The following CMYA5 variants were observed in gnomAD, a reference collection of about 807,000 sequenced individuals.
CMYA5 encodes the protein cardiomyopathy-associated protein 5.
CMYA5 carries 246 observed loss-of-function variants against 318.9 expected under a neutral mutation model. The observed-to-expected ratio is 0.77, with a 90% CI of 0.70 to 0.86. The LOEUF is 0.86. Ranked by LOEUF, CMYA5 falls within the 40% of genes least tolerant of loss-of-function variation. CMYA5 has a pLI of 0.00. For missense variants in CMYA5, 4,589 were observed against 4,678.2 expected (o/e 0.98, Z 0.56); for synonymous variants, 1,641 against 1,729.5 (o/e 0.95, Z 1.27).
At chr5:79,795,449 G>T (rs550587034) in intron 12 of CMYA5, among the ~76,000 whole-genome samples, 1 of 152,236 alleles carries the variant, frequency 6.6e-6, no homozygotes, top group African/African-American at 2.4e-5. Flanking sequence ...GAGTCTGCTG[G>T]TTTCCTTCCT....
chr5:79,724,721 T>C, intron 1 of CMYA5, among the ~76,000 whole-genome samples: 1 of 152,242 alleles, frequency 6.6e-6, no homozygotes, highest in South Asian at 2.1e-4. Context: ...CTGAATGGTA[T>C]GGTGACCATT....
At chr5:79,778,668 A>G (rs928376299) in intron 9 of CMYA5, among the ~76,000 whole-genome samples, 4 of 151,580 alleles carry the variant, frequency 2.6e-5, no homozygotes, top group Non-Finnish European at 5.9e-5. Flanking sequence ...ATTAAGAGAT[A>G]AGTTTCAAAT....
At chr5:79,796,590 A>ATCTGTTT (rs1829280803) in intron 12 of CMYA5, among the ~76,000 whole-genome samples, 2 of 152,192 alleles carry the variant, frequency 1.3e-5, no homozygotes, top group African/African-American at 2.4e-5. Context: ...TAGTAGAAAC[A>ATCTGTTT]GATTTTCACC....
At chr5:79,770,313 G>T (rs376324326) in intron 9 of CMYA5, among the ~76,000 whole-genome samples, 2 of 152,130 alleles carry the variant, frequency 1.3e-5, no homozygotes, top group African/African-American at 4.8e-5. Flanking sequence ...GGAGTGAATG[G>T]TTCTGTCTTG....
chr5:79,726,837 A>C (rs1006671279), intron 1 of CMYA5, among the ~76,000 whole-genome samples: 4 of 151,166 alleles, frequency 2.6e-5, no homozygotes, highest in Admixed American at 1.3e-4. Context: ...CTAACAAACC[A>C]GGAAGGGTTT....
chr5:79,715,593 A>G (rs569484546), intron 1 of CMYA5, among the ~76,000 whole-genome samples: 1 of 152,004 alleles, frequency 6.6e-6, no homozygotes, highest in East Asian at 1.9e-4. Flanking sequence ...AGCCAACTAT[A>G]GCTTATTATT....
At position 79,734,101 on chromosome 5, in the gene CMYA5, A is replaced by T. The variant is rs762210248; in HGVS notation, c.5336A>T (p.Lys1779Met). ...IGPLPPTGNL[K>M]AQVMGDILDK... ...CCATTACCACCAACTGGAAATTTGAAGGCACAAGTCATGGGAGATATTTTA... is the reference window on the plus strand; with the variant it reads ...CCATTACCACCAACTGGAAATTTGATGGCACAAGTCATGGGAGATATTTTA... Residue 1779 changes from lysine to methionine, a missense_variant, in exon 2 of 13, where the codon AAG becomes ATG. Physicochemically the swap from Lys to Met is moderately conservative, Grantham distance 95. Transcript: ENST00000446378. The T allele has an allele frequency of 6.2e-7, 1 of 1,613,824 alleles. No homozygotes were observed. Among genetic ancestry groups the T allele is most frequent in the East Asian group, 2.2e-5 (1 of 44,868 alleles).
chr5:79,766,943 T>A lies in CMYA5; in HGVS notation c.11555+3734T>A, dbSNP rs144629476. Reference sequence around the variant, plus strand: ...GCAAATCTTTCTGGTCCTGGGCTTTTTTTGGTTGGTAGGATATTAATTACT... The same window carrying A: ...GCAAATCTTTCTGGTCCTGGGCTTTATTTGGTTGGTAGGATATTAATTACT... On this transcript the variant is annotated intron_variant, in intron 9 of 12. Transcript: ENST00000446378. Among the ~76,000 whole-genome samples, 905 of 152,308 alleles carry A rather than the reference T, an allele frequency of 5.9e-3. 10 individuals carry two copies. Among genetic ancestry groups the A allele is most frequent in the African/African-American group, 0.021 (860 of 41,554 alleles).
intron 1 of CMYA5, among the ~76,000 whole-genome samples, chr5:79,721,244 G>A (rs1015296084): frequency 1.2e-4 from 18 of 152,166 alleles, no homozygotes; most frequent in African/African-American, 4.1e-4. Flanking sequence ...CTCACTTTGT[G>A]AAGCTAAGGT....
chr5:79,752,728 T>G lies in CMYA5; in HGVS notation c.11044T>G (p.Phe3682Val), dbSNP rs375109166. ...TASLEKMPAAFSLFEHYDDSS... is the reference protein window; with the variant it reads ...TASLEKMPAAVSLFEHYDDSS... ...TTCTTTAGAGAAAATGCCTGCTGCG[T>G]TTTCCCTTTTCGAACATTATGATGA... The change falls in exon 6 of 13, where the codon TTT becomes GTT. Residue 3682 changes from phenylalanine (F) to valine (V), a missense_variant. Physicochemically the swap from Phe to Val is conservative, Grantham distance 50 (BLOSUM62 -1). This residue lies in a region of CMYA5 where 2,431 missense variants were observed against 2,495.1 expected (regional missense o/e 0.97). Transcript: ENST00000446378. The G allele has an allele frequency of 7.4e-6, 12 of 1,613,588 alleles. No individual in the cohort carries two copies. The African/African-American group carries it at 1.6e-4, about 22-fold the overall frequency.
intron 12 of CMYA5, among the ~76,000 whole-genome samples, chr5:79,797,551 G>T (rs1228829753): frequency 1.3e-5 from 2 of 152,166 alleles, no homozygotes; most frequent in African/African-American, 4.8e-5. Context: ...TCCTGGTCTT[G>T]TCTGTCACCT....
intron 1 of CMYA5, among the ~76,000 whole-genome samples, chr5:79,706,500 C>T (rs376661202): frequency 6.6e-6 from 1 of 152,256 alleles, no homozygotes; most frequent in Middle Eastern, 3.4e-3. Flanking sequence ...ATTCTCAGAA[C>T]GGAGTACGCC....
chr5:79,696,840 C>T (rs1336070930), intron 1 of CMYA5, among the ~76,000 whole-genome samples: 1 of 152,068 alleles, frequency 6.6e-6, no homozygotes, highest in Non-Finnish European at 1.5e-5. Context: ...ACCCCCGTCT[C>T]TACTAAAAAT....
rs1268402822 is a variant in CMYA5, at chr5:79,730,598, A to G, written c.1833A>G (p.Gln611=). 6.2e-7 allele frequency: 1 copy of G among 1,613,934 alleles called. No individual in the cohort carries two copies. Among genetic ancestry groups the G allele is most frequent in the Non-Finnish European group, 8.5e-7 (1 of 1,179,896 alleles). ...PQDLNHELQE[Q]EGEPVPPSNV... ...ATTTGAACCATGAATTACAGGAGCAAGAAGGTGAGCCAGTTCCCCCATCCA... is the reference window on the plus strand; with the variant it reads ...ATTTGAACCATGAATTACAGGAGCAGGAAGGTGAGCCAGTTCCCCCATCCA... Residue 611 remains glutamine, a synonymous_variant, in exon 2 of 13, where the codon CAA becomes CAG. Transcript: ENST00000446378.
intron 2 of CMYA5, among the ~76,000 whole-genome samples, chr5:79,741,545 T>C (rs938708784): frequency 6.6e-6 from 1 of 152,136 alleles, no homozygotes; most frequent in Non-Finnish European, 1.5e-5. Flanking sequence ...TTCTCCAGGG[T>C]ATAGTTTTGT....
intron 1 of CMYA5, among the ~76,000 whole-genome samples, chr5:79,700,677 G>A (rs1313473777): frequency 1.3e-5 from 2 of 152,160 alleles, no homozygotes; most frequent in Non-Finnish European, 2.9e-5. Context: ...TAATGGATGA[G>A]TGGATAAGGA....
In CMYA5 at chr5:79,738,583, A is replaced by C; in HGVS notation, c.9818A>C (p.Tyr3273Ser). Residue 3273 changes from tyrosine (Y) to serine (S), a missense_variant, in exon 2 of 13, where the codon TAC becomes TCC. By Grantham distance (144) the Tyr-to-Ser change is moderately radical. Around this residue, in one of 3 missense-constraint regions of CMYA5, gnomAD observed 2,431 missense variants for 2,495.1 expected, o/e 0.97. Transcript: ENST00000446378. ...AAACGAGTTGGTAAGGATGATTCAT[A>C]CCAACCGATAGCTGCAGAAGGGGAA... The part of the protein sequence containing the change: ...EEKRVGKDDS[Y>S]QPIAAEGEIW... The C allele has an allele frequency of 6.2e-7, 1 of 1,613,728 alleles. No individual in the cohort carries two copies. Among genetic ancestry groups the C allele is most frequent in the Non-Finnish European group, 8.5e-7 (1 of 1,179,874 alleles).
At chr5:79,789,222 T>A in intron 10 of CMYA5, 118 bp downstream of exon 10, 1 of 1,209,058 alleles carries the variant, frequency 8.3e-7, no homozygotes, top group Non-Finnish European at 1.1e-6. Flanking sequence ...CAGTGGTAGG[T>A]TTTTGTCATG....
Position 79,734,552 on chromosome 5 carries a change from C to T in CMYA5, c.5787C>T (p.Leu1929=). ...GCAATGAGCTGAGGCCAGGGCAGCT[C>T]AAGGCTGCTGTGTCCAGTAAGGACC... ...SSSNELRPGQ[L]KAAVSSKDHT... Residue 1929 remains leucine (L), a synonymous_variant, in exon 2 of 13, where the codon CTC becomes CTT. Coordinates refer to ENST00000446378, the MANE Select transcript of CMYA5 (RefSeq NM_153610.5). The T allele has an allele frequency of 6.2e-7, 1 of 1,613,848 alleles. No individual in the cohort carries two copies. Among genetic ancestry groups the T allele is most frequent in the Non-Finnish European group, 8.5e-7 (1 of 1,179,824 alleles).
Sources: gnomAD v4.1 joint callset for allele counts (sites outside exome capture counted in the v4.1 genomes callset) on GRCh38, gnomAD v4.1.1 for gene constraint, gnomAD v4.1.1 regional missense constraint, MANE v1.5 for transcripts, NCBI Gene and HGNC (gene_info 2026-07-23, HGNC 2026-07-21) for gene names.